The following DPF3 variants were observed in gnomAD, a reference collection of about 807,000 sequenced individuals.
DPF3 encodes double PHD fingers 3.
DPF3 carries 18 observed loss-of-function variants against 56.8 expected under a neutral mutation model. That is an observed-to-expected ratio of 0.32 (90% CI 0.22 to 0.47). The LOEUF (loss-of-function observed/expected upper bound fraction) is 0.47, where lower values mean the gene tolerates loss of function less well. Ranked by LOEUF, DPF3 falls within the 20% of genes least tolerant of loss-of-function variation. The pLI is 1.00. For missense variants in DPF3, 403 were observed against 488.8 expected (o/e 0.82, Z 1.65); for synonymous variants, 188 against 180.2 (o/e 1.04, Z -0.35).
chr14:72,820,510 A>T (rs562711734), intron 1 of DPF3, among the ~76,000 whole-genome samples: 1 of 152,306 alleles, frequency 6.6e-6, no homozygotes, highest in Admixed American at 6.5e-5. Context: ...GGACAAGATG[A>T]GCACTCTTCT....
chr14:72,665,049 T>C (rs1228470860), intron 8 of DPF3, among the ~76,000 whole-genome samples: 1 of 152,216 alleles, frequency 6.6e-6, no homozygotes, highest in Non-Finnish European at 1.5e-5. Context: ...CCATTGTCTC[T>C]GACAATAGAC....
intron 3 of DPF3, among the ~76,000 whole-genome samples, chr14:72,741,094 C>A (rs958331321): frequency 6.6e-6 from 1 of 152,058 alleles, no homozygotes; most frequent in Non-Finnish European, 1.5e-5. Flanking sequence ...GAATGAGTTG[C>A]CATTCTGGGC....
chr14:72,811,254 C>T (rs1027851810), intron 1 of DPF3, among the ~76,000 whole-genome samples: 2 of 152,236 alleles, frequency 1.3e-5, no homozygotes. Context: ...TTGGGAATCA[C>T]ATTTCAGCAT....
chr14:72,833,616 G>A (rs1239937649), intron 1 of DPF3, among the ~76,000 whole-genome samples: 2 of 152,102 alleles, frequency 1.3e-5, no homozygotes, highest in African/African-American at 4.8e-5. Context: ...CCCAAAAAAC[G>A]TTGAGGAGTA....
intron 3 of DPF3, among the ~76,000 whole-genome samples, chr14:72,733,282 A>C (rs1889750928): frequency 6.6e-6 from 1 of 152,154 alleles, no homozygotes; most frequent in African/African-American, 2.4e-5. Flanking sequence ...GTCCCAGAAA[A>C]CAGGAGAGAT....
At chr14:72,704,891 C>G (rs1489154822) in intron 6 of DPF3, among the ~76,000 whole-genome samples, 2 of 152,156 alleles carry the variant, frequency 1.3e-5, no homozygotes, top group Non-Finnish European at 2.9e-5. Flanking sequence ...CTATCACCAC[C>G]ATCCAGATTT....
At chr14:72,629,314 T>G (rs1159571390) in intron 9 of DPF3, among the ~76,000 whole-genome samples, 2 of 152,252 alleles carry the variant, frequency 1.3e-5, no homozygotes, top group Non-Finnish European at 2.9e-5. Flanking sequence ...TCTCTGCCTT[T>G]GTATATGTTT....
intron 8 of DPF3, chr14:72,661,009 G>A: frequency 1.0e-6 from 1 of 968,334 alleles, no homozygotes; most frequent in Non-Finnish European, 1.2e-6. Flanking sequence ...CACAGGATGA[G>A]CTTGGTTGGT....
intron 1 of DPF3, among the ~76,000 whole-genome samples, chr14:72,819,750 A>G (rs2332920): frequency 0.23 from 34,477 of 151,954 alleles, 4,085 homozygotes; most frequent in Middle Eastern, 0.41. Flanking sequence ...CAGCCTGGGC[A>G]ACATGGGAAA....
intron 4 of DPF3, among the ~76,000 whole-genome samples, chr14:72,726,532 G>A (rs1007891031): frequency 1.3e-5 from 2 of 152,100 alleles, no homozygotes; most frequent in Admixed American, 6.6e-5. Context: ...ATGTGATGGC[G>A]GCAGACCCAG....
chr14:72,875,434 A>G (rs1886075854), intron 1 of DPF3, among the ~76,000 whole-genome samples: 1 of 152,220 alleles, frequency 6.6e-6, no homozygotes, highest in African/African-American at 2.4e-5. Context: ...TGCCGACTCT[A>G]CTAAGCACTT....
intron 2 of DPF3, among the ~76,000 whole-genome samples, chr14:72,755,809 C>G (rs1890764745): frequency 6.6e-6 from 1 of 152,138 alleles, no homozygotes; most frequent in Non-Finnish European, 1.5e-5. Flanking sequence ...GTCGCAAGAG[C>G]TCTCTTGGAG....
At chr14:72,705,229 C>G (rs1888354557) in intron 6 of DPF3, among the ~76,000 whole-genome samples, 1 of 152,094 alleles carries the variant, frequency 6.6e-6, no homozygotes, top group Non-Finnish European at 1.5e-5. Context: ...TGGATTCTAA[C>G]AGGAGCACAA....
intron 2 of DPF3, among the ~76,000 whole-genome samples, chr14:72,758,470 A>G (rs922758537): frequency 6.6e-6 from 1 of 152,230 alleles, no homozygotes; most frequent in African/African-American, 2.4e-5. Context: ...CTAGAACCCA[A>G]GGAACTGAAG....
At chr14:72,712,120 G>A (rs1888677492) in intron 6 of DPF3, among the ~76,000 whole-genome samples, 1 of 152,004 alleles carries the variant, frequency 6.6e-6, no homozygotes, top group African/African-American at 2.4e-5. Context: ...CAGCACGCAT[G>A]CGGACAGAGC....
chr14:72,797,820 G>A (rs756908058), intron 1 of DPF3, among the ~76,000 whole-genome samples: 2 of 152,134 alleles, frequency 1.3e-5, no homozygotes, highest in Non-Finnish European at 2.9e-5. Flanking sequence ...CAATAACTGG[G>A]AGACCTTGCT....
chr14:72,704,747 C>G (rs1265121886), intron 6 of DPF3, among the ~76,000 whole-genome samples: 2 of 152,180 alleles, frequency 1.3e-5, no homozygotes, highest in African/African-American at 2.4e-5. Flanking sequence ...GACCCAAGTG[C>G]AAGATGTCAA....
chr14:72,736,272 G>C (rs1889890837), intron 3 of DPF3, among the ~76,000 whole-genome samples: 1 of 152,124 alleles, frequency 6.6e-6, no homozygotes, highest in African/African-American at 2.4e-5. Context: ...TGTCTTCAAA[G>C]TCTGGTGGGT....
chr14:72,804,021 A>G (rs981488416), intron 1 of DPF3, among the ~76,000 whole-genome samples: 8 of 152,228 alleles, frequency 5.3e-5, no homozygotes, highest in South Asian at 2.1e-4. Context: ...ATGCCCAGTC[A>G]TGGTGATAAC....
Sources: gnomAD v4.1 joint callset for allele counts (sites outside exome capture counted in the v4.1 genomes callset) on GRCh38, gnomAD v4.1.1 for gene constraint, MANE v1.5 for transcripts, NCBI Gene and HGNC (gene_info 2026-07-23, HGNC 2026-07-21) for gene names.